Variants in SNTG1 observed in about 807,000 individuals in gnomAD.
SNTG1 encodes syntrophin gamma 1.
Under a neutral mutation model 74.7 loss-of-function variants are expected in SNTG1, and 39 were observed. The observed-to-expected ratio is 0.52, with a 90% confidence interval of 0.40 to 0.68. The LOEUF is 0.68. Among genes scored for constraint, SNTG1 ranks in the 30% least tolerant of loss-of-function variants. SNTG1 has a pLI of 0.00. For missense variants in SNTG1, 685 were observed against 609.5 expected (o/e 1.12, Z -1.30); for synonymous variants, 254 against 217.1 (o/e 1.17, Z -1.49).
At chr8:49,923,595 G>T (rs1263718725) in intron 1 of SNTG1, among the ~76,000 whole-genome samples, 1 of 152,024 alleles carries the variant, frequency 6.6e-6, no homozygotes, top group Non-Finnish European at 1.5e-5. Context: ...AGTCCTAGGA[G>T]GAAGATGGCA....
Position 50,694,252 on chromosome 8 carries a change from G to C in SNTG1, c.1039-10348G>C, listed in dbSNP as rs575081859. On this transcript the variant is annotated intron_variant, in intron 15 of 18. Coordinates refer to ENST00000642720, the MANE Select transcript of SNTG1 (RefSeq NM_018967.5). Reference sequence around the variant, plus strand: ...ATAAATAAAACCAGGGATTAAAAATGAAATATTACATCTGATACCACAGAA... The same window carrying C: ...ATAAATAAAACCAGGGATTAAAAATCAAATATTACATCTGATACCACAGAA... Among the ~76,000 whole-genome samples, 4 of 151,536 alleles carry C rather than the reference G, an allele frequency of 2.6e-5. No homozygotes were observed. The South Asian group carries it at 8.3e-4, about 31-fold the overall frequency.
At chr8:50,080,905 T>C (rs551399350) in intron 1 of SNTG1, among the ~76,000 whole-genome samples, 4 of 152,178 alleles carry the variant, frequency 2.6e-5, no homozygotes, top group African/African-American at 9.6e-5. Flanking sequence ...TTCAGAATTA[T>C]AATTGCTTAT....
chr8:50,700,952 G>A (rs1335121468), intron 15 of SNTG1, among the ~76,000 whole-genome samples: 1 of 152,136 alleles, frequency 6.6e-6, no homozygotes, highest in African/African-American at 2.4e-5. Context: ...AGAGAGTCAC[G>A]ACTTGGGTAA....
At chr8:49,991,982 A>C (rs1271512108) in intron 1 of SNTG1, among the ~76,000 whole-genome samples, 3 of 152,226 alleles carry the variant, frequency 2.0e-5, no homozygotes. Context: ...CTGTTAAAAA[A>C]TAATGTCTGA....
chr8:50,351,543 G>C (rs1042832009), intron 2 of SNTG1, among the ~76,000 whole-genome samples: 2 of 152,094 alleles, frequency 1.3e-5, no homozygotes, highest in African/African-American at 2.4e-5. Context: ...CTTTAGTCAA[G>C]CATTCATTGA....
chr8:50,129,378 A>G (rs2081247147), intron 1 of SNTG1, among the ~76,000 whole-genome samples: 1 of 152,086 alleles, frequency 6.6e-6, no homozygotes, highest in South Asian at 2.1e-4. Flanking sequence ...GCAGAAGGAG[A>G]GGCCCTCAAT....
chr8:50,433,956 T>C (rs2093272596), intron 4 of SNTG1, among the ~76,000 whole-genome samples: 1 of 152,184 alleles, frequency 6.6e-6, no homozygotes, highest in Non-Finnish European at 1.5e-5. Flanking sequence ...TTGTTACATA[T>C]GTATACATGT....
chr8:50,516,129 C>A (rs973106873), intron 9 of SNTG1, among the ~76,000 whole-genome samples: 1 of 152,178 alleles, frequency 6.6e-6, no homozygotes, highest in Admixed American at 6.5e-5. Context: ...GTTCTGCAGA[C>A]TCCGCTGGTG....
intron 1 of SNTG1, among the ~76,000 whole-genome samples, chr8:50,127,685 TA>T (rs1379503704): frequency 1.3e-5 from 2 of 152,196 alleles, no homozygotes; most frequent in Non-Finnish European, 2.9e-5. Context: ...GAATAATTTT[TA>T]ATAATGCTTC....
chr8:49,972,022 G>T (rs1319958420), intron 1 of SNTG1, among the ~76,000 whole-genome samples: 1 of 152,172 alleles, frequency 6.6e-6, no homozygotes, highest in Non-Finnish European at 1.5e-5. Flanking sequence ...CTACTTTCAA[G>T]TTCATGTGGA....
intron 2 of SNTG1, among the ~76,000 whole-genome samples, chr8:50,193,050 T>C (rs1462299054): frequency 2.0e-5 from 3 of 152,172 alleles, no homozygotes; most frequent in East Asian, 3.9e-4. Context: ...TGGGTGACTA[T>C]GGCCTTATAG....
At chr8:50,019,101 G>A (rs568218336) in intron 1 of SNTG1, among the ~76,000 whole-genome samples, 3 of 152,140 alleles carry the variant, frequency 2.0e-5, no homozygotes, top group Admixed American at 1.3e-4. Flanking sequence ...TTGCTAATAC[G>A]TGTGGGAATT....
intron 15 of SNTG1, among the ~76,000 whole-genome samples, 171 bp downstream of exon 15, chr8:50,658,834 T>C (rs1437773056): frequency 6.6e-6 from 1 of 152,130 alleles, no homozygotes; most frequent in East Asian, 1.9e-4. Context: ...AAATATAGAA[T>C]GCACAGAAGT....
chr8:50,320,783 A>G lies in SNTG1; in HGVS notation c.-27-73429A>G, dbSNP rs369097769. Among the ~76,000 whole-genome samples the G allele has an allele frequency of 9.9e-4, 151 of 152,212 alleles. 1 individual carries two copies. The highest frequency in any genetic ancestry group is 3.2e-3 in the African/African-American group (133 of 41,564). ...TTCTTCATTGACCCACTCATCATTC[A>G]GGATCATATCGTTTCATTTTCGTGT... On this transcript the variant is annotated intron_variant, in intron 2 of 18. Transcript: ENST00000642720.
chr8:49,962,210 G>A (rs895700098), intron 1 of SNTG1, among the ~76,000 whole-genome samples: 11 of 151,922 alleles, frequency 7.2e-5, no homozygotes, highest in African/African-American at 2.4e-4. Flanking sequence ...CAGATGAGGC[G>A]GCTAGTTGGA....
At chr8:49,964,868 T>G (rs1253263788) in intron 1 of SNTG1, among the ~76,000 whole-genome samples, 1 of 152,244 alleles carries the variant, frequency 6.6e-6, no homozygotes, top group Non-Finnish European at 1.5e-5. Context: ...TGAAGTTTAG[T>G]GTATTTCATT....
At position 50,572,055 on chromosome 8, in the gene SNTG1, T is replaced by C. The variant is rs148647937; in HGVS notation, c.811-18824T>C. Among the ~76,000 whole-genome samples the C allele has an allele frequency of 4.4e-3, 675 of 152,210 alleles. 2 individuals carry two copies. Among genetic ancestry groups the C allele is most frequent in the Middle Eastern group, 0.01 (3 of 294 alleles). The stretch of plus-strand genomic sequence containing the variant: ...ATAATATACCAATGGTAAAACTATT[T>C]TCTTCACCTGTGACTAAAAGTAATA... On this transcript the variant is annotated intron_variant, in intron 12 of 18. Coordinates refer to ENST00000642720, the MANE Select transcript of SNTG1 (RefSeq NM_018967.5).
intron 1 of SNTG1, among the ~76,000 whole-genome samples, chr8:49,917,865 G>A (rs564624821): frequency 3.3e-4 from 50 of 152,274 alleles, no homozygotes; most frequent in African/African-American, 1.1e-3. Flanking sequence ...AAGTGAGCCC[G>A]TCAAGAGTCC....
intron 2 of SNTG1, among the ~76,000 whole-genome samples, chr8:50,314,118 C>A (rs1249058449): frequency 6.7e-6 from 1 of 149,618 alleles, no homozygotes; most frequent in Non-Finnish European, 1.5e-5. Flanking sequence ...TCCAGTCATC[C>A]CCTCTAGGCC....
Sources: gnomAD v4.1 joint callset for allele counts (sites outside exome capture counted in the v4.1 genomes callset) on GRCh38, gnomAD v4.1.1 for gene constraint, MANE v1.5 for transcripts, NCBI Gene and HGNC (gene_info 2026-07-23, HGNC 2026-07-21) for gene names.